The following RIMS2 variants were observed in gnomAD, a reference collection of about 807,000 sequenced individuals.
The protein encoded by RIMS2 is regulating synaptic membrane exocytosis 2.
Under a neutral mutation model 174.4 loss-of-function variants are expected in RIMS2, and 59 were observed. The ratio of observed to expected loss-of-function variants is 0.34; its 90% CI spans 0.27 to 0.42. The LOEUF is 0.42. Among genes scored for constraint, RIMS2 ranks in the 10% least tolerant of loss-of-function variants. RIMS2 has a pLI of 1.00. For synonymous variants in RIMS2, 606 were observed against 572.5 expected (o/e 1.06, Z -0.84); for missense variants, 1,620 against 1,666.3 (o/e 0.97, Z 0.48).
intron 19 of RIMS2, among the ~76,000 whole-genome samples, chr8:104,105,043 AT>A (rs1261014180): frequency 6.6e-6 from 1 of 152,146 alleles, no homozygotes; most frequent in East Asian, 1.9e-4. Flanking sequence ...GTTTGGGATA[AT>A]TGGGCGGTTG....
At chr8:103,789,144 C>T (rs1044856726) in intron 3 of RIMS2, among the ~76,000 whole-genome samples, 27 of 152,166 alleles carry the variant, frequency 1.8e-4, no homozygotes, top group African/African-American at 3.4e-4. Flanking sequence ...GCACGGTGCG[C>T]GCACCCACTG....
At chr8:103,837,607 C>A (rs369692685) in intron 3 of RIMS2, among the ~76,000 whole-genome samples, 1 of 150,582 alleles carries the variant, frequency 6.6e-6, no homozygotes, top group Non-Finnish European at 1.5e-5. Flanking sequence ...TGAGAACATG[C>A]GGTGTTTGGT....
chr8:104,050,675 C>A (rs1255509892), intron 19 of RIMS2, among the ~76,000 whole-genome samples: 2 of 152,086 alleles, frequency 1.3e-5, no homozygotes, highest in African/African-American at 4.8e-5. Flanking sequence ...AGTTTTCAAA[C>A]TTTAAGTTTT....
intron 1 of RIMS2, among the ~76,000 whole-genome samples, chr8:103,672,632 A>G (rs2096758650): frequency 6.6e-6 from 1 of 152,022 alleles, no homozygotes; most frequent in Non-Finnish European, 1.5e-5. Flanking sequence ...TAGTGAAGAT[A>G]GCACCAAGCC....
chr8:103,861,088 C>A (rs921190597), intron 3 of RIMS2, among the ~76,000 whole-genome samples: 4 of 151,788 alleles, frequency 2.6e-5, no homozygotes, highest in Non-Finnish European at 1.5e-5. Flanking sequence ...CAAATAGTGA[C>A]CATCATACAG....
At chr8:103,910,427 T>C in intron 5 of RIMS2, 3 of 1,597,506 alleles carry the variant, frequency 1.9e-6, no homozygotes, top group Non-Finnish European at 2.5e-6. Context: ...GTGGCCACTC[T>C]TTGGAAGAGG....
At chr8:103,644,337 T>A (rs2096284697) in intron 1 of RIMS2, among the ~76,000 whole-genome samples, 1 of 152,092 alleles carries the variant, frequency 6.6e-6, no homozygotes. Flanking sequence ...TCACATTAAT[T>A]TCTTGATGAC....
chr8:103,771,101 T>C (rs1446498254), intron 3 of RIMS2, among the ~76,000 whole-genome samples: 1 of 152,220 alleles, frequency 6.6e-6, no homozygotes, highest in Non-Finnish European at 1.5e-5. Context: ...TACAGTGTTT[T>C]ACAGATAGGC....
chr8:103,721,379 G>T (rs1192832700), intron 2 of RIMS2, among the ~76,000 whole-genome samples: 2 of 152,068 alleles, frequency 1.3e-5, no homozygotes, highest in African/African-American at 4.8e-5. Context: ...TATAAAAAGG[G>T]ATTAAAAATC....
intron 19 of RIMS2, among the ~76,000 whole-genome samples, chr8:104,194,914 A>T (rs2441901): frequency 0.29 from 43,367 of 152,092 alleles, 6,488 homozygotes; most frequent in African/African-American, 0.32. Context: ...TATGCAAGAC[A>T]ACTCACATAA....
At chr8:103,874,984 G>T (rs987275327) in intron 3 of RIMS2, among the ~76,000 whole-genome samples, 1 of 151,918 alleles carries the variant, frequency 6.6e-6, no homozygotes, top group African/African-American at 2.4e-5. Flanking sequence ...GTTTCTTTTG[G>T]TTTTTTGCTG....
chr8:103,845,278 T>C (rs1310407112), intron 3 of RIMS2, among the ~76,000 whole-genome samples: 1 of 152,124 alleles, frequency 6.6e-6, no homozygotes, highest in Non-Finnish European at 1.5e-5. Context: ...GCATGCTTGA[T>C]TTCTGTAGCC....
chr8:104,059,927 G>A (rs199816828), intron 19 of RIMS2, among the ~76,000 whole-genome samples: 7,530 of 151,852 alleles, frequency 0.05, 264 homozygotes, highest in Non-Finnish European at 0.072. Context: ...ATCCCACTTG[G>A]TCATGGTGGA....
At chr8:103,711,818 G>A (rs1487475051) in intron 2 of RIMS2, among the ~76,000 whole-genome samples, 1 of 151,966 alleles carries the variant, frequency 6.6e-6, no homozygotes, top group African/African-American at 2.4e-5. Flanking sequence ...GATCGCTTGA[G>A]CCTGGGAGGC....
intron 14 of RIMS2, among the ~76,000 whole-genome samples, chr8:103,950,068 C>T (rs2084947021): frequency 6.6e-6 from 1 of 152,030 alleles, no homozygotes; most frequent in African/African-American, 2.4e-5. Flanking sequence ...TTGAGTCTCT[C>T]CCAAGAAGAA....
chr8:104,115,960 C>T (rs2098272045), intron 19 of RIMS2, among the ~76,000 whole-genome samples: 1 of 152,060 alleles, frequency 6.6e-6, no homozygotes, highest in Non-Finnish European at 1.5e-5. Context: ...GGATGGGCCA[C>T]CAGTTTGCAG....
chr8:104,195,846 C>T (rs1263754183), intron 19 of RIMS2, among the ~76,000 whole-genome samples: 3 of 151,234 alleles, frequency 2.0e-5, no homozygotes, highest in South Asian at 2.1e-4. Flanking sequence ...TGGCTGGGCC[C>T]AATAATTAAA....
At chr8:103,534,749 C>T (rs1371167449) in intron 1 of RIMS2, among the ~76,000 whole-genome samples, 3 of 152,106 alleles carry the variant, frequency 2.0e-5, no homozygotes, top group Non-Finnish European at 4.4e-5. Context: ...ATCAGTAGAC[C>T]TGTATTATTA....
intron 1 of RIMS2, among the ~76,000 whole-genome samples, chr8:103,622,466 A>G (rs2095659004): frequency 6.6e-6 from 1 of 152,148 alleles, no homozygotes; most frequent in African/African-American, 2.4e-5. Context: ...GGGGAATTTT[A>G]TCTTTCCTGT....
Sources: allele counts gnomAD v4.1 joint callset (sites outside exome capture counted in the v4.1 genomes callset), GRCh38; gene constraint gnomAD v4.1.1; transcripts MANE v1.5; gene names NCBI Gene and HGNC (gene_info 2026-07-23, HGNC 2026-07-21).